The following FTO variants were observed in gnomAD, a reference collection of about 807,000 sequenced individuals.
The protein encoded by FTO is alpha-ketoglutarate-dependent dioxygenase FTO.
Under a neutral mutation model 63.9 loss-of-function variants are expected in FTO, and 47 were observed. The observed-to-expected ratio is 0.74, with a 90% CI of 0.58 to 0.94. FTO has a LOEUF of 0.94. Ranked by LOEUF, FTO falls within the 40% of genes least tolerant of loss-of-function variation. FTO has a pLI of 0.00. For synonymous variants in FTO, 207 were observed against 224.4 expected (o/e 0.92, Z 0.69); for missense variants, 562 against 618.1 (o/e 0.91, Z 0.96).
chr16:53,844,044 T>G, intron 3 of FTO, 111 bp from the exon 4 acceptor site: 1 of 815,556 alleles, frequency 1.2e-6, no homozygotes. Context: ...ATATATTTCA[T>G]TTAATATTCA....
intron 6 of FTO, chr16:53,887,814 T>C (rs1188753148): frequency 6.6e-6 from 1 of 152,172 alleles, no homozygotes; most frequent in Non-Finnish European, 1.5e-5. Context: ...TGCCCTGAGT[T>C]GACAAGTGAC....
intron 1 of FTO, among the ~76,000 whole-genome samples, chr16:53,797,656 T>C (rs948778905): frequency 1.3e-5 from 2 of 152,208 alleles, no homozygotes; most frequent in Non-Finnish European, 2.9e-5. Context: ...TGAACATTCA[T>C]GTGCAGATTT....
intron 1 of FTO, among the ~76,000 whole-genome samples, chr16:53,749,339 A>G (rs2076724603): frequency 6.6e-6 from 1 of 151,634 alleles, no homozygotes; most frequent in South Asian, 2.1e-4. Flanking sequence ...CTCTGGCAAT[A>G]CTCTAATACT....
chr16:53,708,356 CTG>C (rs1459228328), intron 1 of FTO, among the ~76,000 whole-genome samples: 1 of 150,714 alleles, frequency 6.6e-6, no homozygotes, highest in East Asian at 1.9e-4. Context: ...CAGAGTGAGA[CTG>C]TGTCTCAAAA....
At chr16:53,974,602 G>A (rs1686055561) in intron 8 of FTO, among the ~76,000 whole-genome samples, 1 of 151,824 alleles carries the variant, frequency 6.6e-6, no homozygotes, top group African/African-American at 2.4e-5. Flanking sequence ...CCAAGGTACA[G>A]CAATAGCATA....
At chr16:54,063,920 C>G (rs1348255990) in intron 8 of FTO, 1 of 151,968 alleles carries the variant, frequency 6.6e-6, no homozygotes, top group Non-Finnish European at 1.5e-5. Flanking sequence ...ATCTGTCAAG[C>G]CCTTCTTCTG....
At chr16:53,833,260 T>C (rs1270884072) in intron 3 of FTO, among the ~76,000 whole-genome samples, 1 of 152,228 alleles carries the variant, frequency 6.6e-6, no homozygotes, top group African/African-American at 2.4e-5. Context: ...ATTAATCCTC[T>C]TTTTGTTTCC....
At chr16:53,813,107 A>G (rs1368515629) in intron 2 of FTO, among the ~76,000 whole-genome samples, 2 of 152,280 alleles carry the variant, frequency 1.3e-5, no homozygotes, top group East Asian at 1.9e-4. Flanking sequence ...AGGAAACCCA[A>G]ATGCAAACAG....
chr16:53,830,142 G>A (rs1315756198), intron 3 of FTO, among the ~76,000 whole-genome samples: 23 of 152,170 alleles, frequency 1.5e-4, no homozygotes, highest in Non-Finnish European at 7.3e-5. Flanking sequence ...AGAGGTCATT[G>A]AGAAGTAATT....
intron 7 of FTO, among the ~76,000 whole-genome samples, chr16:53,889,945 T>C (rs1329971894): frequency 1.3e-5 from 2 of 152,160 alleles, no homozygotes; most frequent in Admixed American, 1.3e-4. Context: ...AACATAGGTG[T>C]AATATATTCC....
intron 1 of FTO, among the ~76,000 whole-genome samples, chr16:53,760,621 CTT>C (rs1169039527): frequency 5.4e-5 from 6 of 112,032 alleles, no homozygotes; most frequent in African/African-American, 1.6e-4. Flanking sequence ...TGCTTGCTTT[CTT>C]TTTTTTTTTT....
intron 8 of FTO, among the ~76,000 whole-genome samples, chr16:54,063,035 G>T (rs1567548255): frequency 6.6e-6 from 1 of 152,182 alleles, no homozygotes; most frequent in Admixed American, 6.5e-5. Flanking sequence ...TTCCGAGAGG[G>T]TGTGTGTGGT....
At chr16:53,955,960 A>G (rs1170360809) in intron 8 of FTO, among the ~76,000 whole-genome samples, 3 of 152,164 alleles carry the variant, frequency 2.0e-5, no homozygotes, top group South Asian at 2.1e-4. Flanking sequence ...TCTGGGCAAC[A>G]TAGCCAGATC....
At chr16:53,832,014 T>C (rs1197957169) in intron 3 of FTO, among the ~76,000 whole-genome samples, 1 of 152,200 alleles carries the variant, frequency 6.6e-6, no homozygotes, top group East Asian at 1.9e-4. Context: ...ACAGGAGAGC[T>C]CACAGAGGTG....
At chr16:54,087,292 G>A (rs2086273218) in intron 8 of FTO, among the ~76,000 whole-genome samples, 3 of 152,168 alleles carry the variant, frequency 2.0e-5, no homozygotes, top group African/African-American at 7.2e-5. Context: ...TTCTTAACAG[G>A]GATGTAGATA....
At chr16:53,716,142 A>G (rs1017386509) in intron 1 of FTO, among the ~76,000 whole-genome samples, 1 of 152,166 alleles carries the variant, frequency 6.6e-6, no homozygotes, top group Non-Finnish European at 1.5e-5. Context: ...TCTGACATCC[A>G]CTTTGAGACT....
At chr16:54,015,404 A>G (rs1189494640) in intron 8 of FTO, among the ~76,000 whole-genome samples, 1 of 152,204 alleles carries the variant, frequency 6.6e-6, no homozygotes, top group Non-Finnish European at 1.5e-5. Flanking sequence ...GTAAGAGTTG[A>G]AGTAGCACCT....
intron 7 of FTO, among the ~76,000 whole-genome samples, chr16:53,925,290 C>T (rs1252203509): frequency 6.6e-6 from 1 of 152,096 alleles, no homozygotes; most frequent in Non-Finnish European, 1.5e-5. Context: ...AGGGGAAATA[C>T]AGCCCTAACA....
intron 3 of FTO, among the ~76,000 whole-genome samples, chr16:53,836,251 T>C (rs1441728707): frequency 2.0e-5 from 3 of 152,172 alleles, no homozygotes; most frequent in Admixed American, 1.3e-4. Context: ...GCTTGAAGAA[T>C]TGCTGTAAAC....
Sources: allele counts gnomAD v4.1 joint callset (sites outside exome capture counted in the v4.1 genomes callset), GRCh38; gene constraint gnomAD v4.1.1; transcripts MANE v1.5; gene names NCBI Gene and HGNC (gene_info 2026-07-23, HGNC 2026-07-21).